The following GPM6A variants were observed in gnomAD, a reference collection of about 807,000 sequenced individuals.
GPM6A encodes the protein glycoprotein M6A.
In GPM6A, 7 loss-of-function variants were observed where a neutral mutation model predicts 32.1. That is an observed-to-expected ratio of 0.22 (90% CI 0.12 to 0.41). GPM6A has a LOEUF of 0.41. GPM6A is among the 10% of genes least tolerant of loss of function. The pLI is 1.00. For missense variants in GPM6A, 235 were observed against 347.2 expected (o/e 0.68, Z 2.57); for synonymous variants, 130 against 123.4 (o/e 1.05, Z -0.35).
chr4:175,939,957 C>T (rs1044011353), intron 1 of GPM6A, among the ~76,000 whole-genome samples: 3 of 151,754 alleles, frequency 2.0e-5, no homozygotes, highest in African/African-American at 7.3e-5. Flanking sequence ...TGAGAAAATG[C>T]ATACATGCCA....
At chr4:175,813,134 G>A (rs963292122), upstream of GPM6A, 73 of 930,686 alleles carry the variant, frequency 7.8e-5, no homozygotes, top group Non-Finnish European at 9.2e-5. Flanking sequence ...GTTATTTATT[G>A]TTATGATTAT....
intron 3 of GPM6A, among the ~76,000 whole-genome samples, chr4:175,657,984 G>GA (rs1165421888): frequency 2.0e-5 from 3 of 152,232 alleles, no homozygotes; most frequent in African/African-American, 7.2e-5. Context: ...TTAATGCAGA[G>GA]AAAATTACTA....
intron 1 of GPM6A, among the ~76,000 whole-genome samples, chr4:175,848,610 AACTG>A (rs1485498311): frequency 1.3e-5 from 2 of 152,160 alleles, no homozygotes; most frequent in Non-Finnish European, 2.9e-5. Context: ...ACCTTGCACT[AACTG>A]GTAATTTTGG....
intron 1 of GPM6A, among the ~76,000 whole-genome samples, chr4:175,867,849 T>C (rs1736789102): frequency 6.6e-6 from 1 of 152,204 alleles, no homozygotes; most frequent in South Asian, 2.1e-4. Flanking sequence ...TCAGTTAGGT[T>C]CTGATCATAT....
intron 1 of GPM6A, among the ~76,000 whole-genome samples, chr4:175,959,079 G>A (rs780770678): frequency 8.5e-5 from 13 of 152,088 alleles, no homozygotes; most frequent in Non-Finnish European, 1.6e-4. Context: ...AGGAATAGTA[G>A]ACGGAAGGAA....
intron 1 of GPM6A, among the ~76,000 whole-genome samples, chr4:175,826,460 T>C (rs566538669): frequency 2.0e-5 from 3 of 152,288 alleles, no homozygotes; most frequent in African/African-American, 7.2e-5. Context: ...TATGTGGTCA[T>C]TGCATATTTC....
At chr4:175,881,798 A>T (rs1737285743) in intron 1 of GPM6A, among the ~76,000 whole-genome samples, 1 of 152,064 alleles carries the variant, frequency 6.6e-6, no homozygotes, top group Admixed American at 6.6e-5. Context: ...CAATGAGAAC[A>T]CTTGGACACA....
chr4:175,721,040 T>TATACTAGTACA (rs199529824), intron 1 of GPM6A, among the ~76,000 whole-genome samples: 1 of 44,706 alleles, frequency 2.2e-5, no homozygotes, highest in Non-Finnish European at 5.9e-5. Flanking sequence ...TACATATATA[T>TATACTAGTACA]TATATATATA....
intron 6 of GPM6A, among the ~76,000 whole-genome samples, chr4:175,637,879 T>TA (rs1483736635): frequency 2.6e-5 from 3 of 117,312 alleles, no homozygotes; most frequent in African/African-American, 1.2e-4. Flanking sequence ...ATATAATATT[T>TA]ATATATTATA....
intron 1 of GPM6A, among the ~76,000 whole-genome samples, chr4:175,764,903 C>T (rs1579474430): frequency 6.7e-6 from 1 of 148,942 alleles, no homozygotes; most frequent in African/African-American, 2.5e-5. Context: ...TACAGAGTTT[C>T]ACTCTTATTG....
intron 1 of GPM6A, among the ~76,000 whole-genome samples, chr4:175,927,670 A>T (rs1738888919): frequency 6.6e-6 from 1 of 152,256 alleles, no homozygotes; most frequent in African/African-American, 2.4e-5. Flanking sequence ...GGATCACTTG[A>T]GGTCAGGCGC....
At chr4:175,923,481 T>C (rs1442328526) in intron 1 of GPM6A, among the ~76,000 whole-genome samples, 1 of 151,016 alleles carries the variant, frequency 6.6e-6, no homozygotes, top group Non-Finnish European at 1.5e-5. Flanking sequence ...AGGGGAAGGT[T>C]CCAAGCCTCC....
At chr4:175,703,490 A>G (rs1744995279) in intron 1 of GPM6A, among the ~76,000 whole-genome samples, 1 of 152,144 alleles carries the variant, frequency 6.6e-6, no homozygotes, top group Non-Finnish European at 1.5e-5. Context: ...TATTATTCAT[A>G]TGAACTATTA....
chr4:175,824,038 A>C (rs1178272640), intron 1 of GPM6A, among the ~76,000 whole-genome samples: 1 of 152,182 alleles, frequency 6.6e-6, no homozygotes, highest in Non-Finnish European at 1.5e-5. Flanking sequence ...AGTTCTGAGC[A>C]AGAGGCCTTA....
intron 6 of GPM6A, among the ~76,000 whole-genome samples, chr4:175,636,591 T>G (rs535408643): frequency 6.7e-6 from 1 of 149,356 alleles, no homozygotes; most frequent in Non-Finnish European, 1.5e-5. Context: ...AGGTCAGGAG[T>G]CCAAGACCAG....
At chr4:175,921,215 C>A (rs1738654664) in intron 1 of GPM6A, among the ~76,000 whole-genome samples, 1 of 152,054 alleles carries the variant, frequency 6.6e-6, no homozygotes, top group Non-Finnish European at 1.5e-5. Context: ...GATTCAGAAT[C>A]TTCCTTTTTA....
At chr4:176,002,238 T>G (rs1162471545) in intron 1 of GPM6A, 1 of 1,501,658 alleles carries the variant, frequency 6.7e-7, no homozygotes, top group Non-Finnish European at 9.2e-7. Flanking sequence ...GAACATTCAT[T>G]TTCTTTCTAT....
intron 1 of GPM6A, among the ~76,000 whole-genome samples, chr4:175,723,152 T>C (rs946403355): frequency 1.6e-4 from 25 of 152,238 alleles, no homozygotes; most frequent in African/African-American, 6.0e-4. Context: ...CTATATATTT[T>C]TCTAATTTTA....
chr4:175,822,446 A>G (rs972234287), intron 1 of GPM6A, among the ~76,000 whole-genome samples: 4 of 152,188 alleles, frequency 2.6e-5, no homozygotes, highest in Non-Finnish European at 4.4e-5. Context: ...TAATGATTAC[A>G]TAAGTTGTCT....
Sources: allele counts gnomAD v4.1 joint callset (sites outside exome capture counted in the v4.1 genomes callset), GRCh38; gene constraint gnomAD v4.1.1; transcripts MANE v1.5; gene names NCBI Gene and HGNC (gene_info 2026-07-23, HGNC 2026-07-21).